Variants in PKIB observed in about 807,000 individuals in gnomAD.
The protein encoded by PKIB is PKI-beta.
A neutral mutation model predicts 4.5 loss-of-function variants in PKIB; 2 were observed. The ratio of observed to expected loss-of-function variants is 0.44; its 90% CI spans 0.18 to 1.39. PKIB has a LOEUF of 1.39. PKIB is among the 40% of genes most tolerant of loss of function. The probability of loss-of-function intolerance (pLI) is 0.27; values close to 1 mark genes in which losing one functional copy is unlikely to be tolerated. For synonymous variants in PKIB, 38 were observed against 36.0 expected (o/e 1.06, Z -0.20); for missense variants, 94 against 92.6 (o/e 1.02, Z -0.06).
At chr6:122,615,962 A>G (rs1438783901) in intron 1 of PKIB, among the ~76,000 whole-genome samples, 1 of 152,178 alleles carries the variant, frequency 6.6e-6, no homozygotes, top group Non-Finnish European at 1.5e-5. Flanking sequence ...AGTTTGTGGT[A>G]ATTTGTTACA....
At chr6:122,715,406 G>A (rs1434412057) in intron 3 of PKIB, among the ~76,000 whole-genome samples, 1 of 151,974 alleles carries the variant, frequency 6.6e-6, no homozygotes, top group Admixed American at 6.6e-5. Context: ...CTGATGTGAA[G>A]TGAATTGGTG....
intron 1 of PKIB, among the ~76,000 whole-genome samples, chr6:122,473,460 C>A (rs952261178): frequency 2.0e-5 from 3 of 152,092 alleles, no homozygotes; most frequent in Non-Finnish European, 4.4e-5. Context: ...TCATATTAAT[C>A]TTTCTGGAAT....
At chr6:122,481,868 A>G (rs571641441) in intron 2 of PKIB, 16 of 152,338 alleles carry the variant, frequency 1.1e-4, no homozygotes, top group Non-Finnish European at 1.6e-4. Context: ...AACTGTGTCA[A>G]AAATATGCTA....
chr6:122,539,724 T>G (rs531617732), intron 2 of PKIB, among the ~76,000 whole-genome samples: 1 of 151,702 alleles, frequency 6.6e-6, no homozygotes, highest in Non-Finnish European at 1.5e-5. Flanking sequence ...TTCCCTCTTT[T>G]TCTATTGATT....
intron 2 of PKIB, among the ~76,000 whole-genome samples, chr6:122,495,000 T>C (rs1776037749): frequency 6.6e-6 from 1 of 152,146 alleles, no homozygotes; most frequent in South Asian, 2.1e-4. Context: ...GGACCCTTGG[T>C]GTCAACAGTT....
intron 2 of PKIB, among the ~76,000 whole-genome samples, chr6:122,653,534 A>G (rs889024805): frequency 5.5e-5 from 1 of 18,232 alleles, no homozygotes; most frequent in Non-Finnish European, 1.3e-4. Flanking sequence ...TTATCATTCA[A>G]ACCTGGTGGG....
intron 1 of PKIB, chr6:122,472,061 TTACC>T: frequency 2.4e-6 from 1 of 419,850 alleles, no homozygotes; most frequent in Non-Finnish European, 4.3e-6. Flanking sequence ...AAACCCACCT[TTACC>T]TACCATGCAC....
chr6:122,677,754 C>G (rs1777733557), intron 3 of PKIB, among the ~76,000 whole-genome samples: 1 of 152,122 alleles, frequency 6.6e-6, no homozygotes, highest in Non-Finnish European at 1.5e-5. Context: ...GATTCTTGCC[C>G]CAAGCTTAGT....
intron 1 of PKIB, among the ~76,000 whole-genome samples, chr6:122,624,223 ATAATGG>A (rs1182529213): frequency 1.3e-5 from 2 of 152,222 alleles, no homozygotes; most frequent in African/African-American, 4.8e-5. Flanking sequence ...TTTGTAAGTT[ATAATGG>A]TATGATGAAA....
intron 1 of PKIB, among the ~76,000 whole-genome samples, chr6:122,624,399 A>C (rs1775352818): frequency 6.6e-6 from 1 of 152,022 alleles, no homozygotes. Context: ...GCATATTAGC[A>C]CTCTTGTTTC....
At chr6:122,558,299 A>G (rs879519925) in intron 2 of PKIB, among the ~76,000 whole-genome samples, 2 of 152,342 alleles carry the variant, frequency 1.3e-5, no homozygotes, top group Non-Finnish European at 1.5e-5. Flanking sequence ...CCAGGCTTAT[A>G]TTCTACCAGC....
chr6:122,547,534 C>T (rs1463616245), intron 2 of PKIB, among the ~76,000 whole-genome samples: 1 of 151,460 alleles, frequency 6.6e-6, no homozygotes, highest in East Asian at 1.9e-4. Context: ...GACGGGATTT[C>T]ACCGTGTTGG....
At chr6:122,636,570 T>A (rs932342237) in intron 2 of PKIB, among the ~76,000 whole-genome samples, 2 of 151,866 alleles carry the variant, frequency 1.3e-5, no homozygotes, top group Non-Finnish European at 2.9e-5. Context: ...AAAGAAAAAA[T>A]AGCAGTAATG....
intron 2 of PKIB, among the ~76,000 whole-genome samples, chr6:122,642,809 C>T (rs1406629900): frequency 6.6e-6 from 1 of 152,178 alleles, no homozygotes; most frequent in Non-Finnish European, 1.5e-5. Context: ...ATGTTCAATA[C>T]AGGCCTGCAA....
intron 2 of PKIB, among the ~76,000 whole-genome samples, chr6:122,642,293 G>A (rs560089072): frequency 2.5e-4 from 38 of 152,290 alleles, no homozygotes; most frequent in African/African-American, 9.1e-4. Flanking sequence ...GTTAATGACA[G>A]TGCTTGAAAT....
At chr6:122,677,455 G>A (rs1259400615) in intron 3 of PKIB, among the ~76,000 whole-genome samples, 1 of 152,186 alleles carries the variant, frequency 6.6e-6, no homozygotes, top group African/African-American at 2.4e-5. Flanking sequence ...ATATATGGAT[G>A]AGGGGTTGTA....
At chr6:122,564,198 A>G (rs994587956) in intron 2 of PKIB, among the ~76,000 whole-genome samples, 2 of 152,132 alleles carry the variant, frequency 1.3e-5, no homozygotes, top group Non-Finnish European at 2.9e-5. Flanking sequence ...GGGTATCTCC[A>G]GGGTCCTGCA....
intron 3 of PKIB, among the ~76,000 whole-genome samples, chr6:122,680,003 T>C (rs1055377821): frequency 7.9e-5 from 12 of 152,212 alleles, no homozygotes; most frequent in Non-Finnish European, 1.8e-4. Flanking sequence ...CTTTCTTTTT[T>C]CCTTTGACAC....
intron 2 of PKIB, among the ~76,000 whole-genome samples, chr6:122,551,907 A>C (rs1021544554): frequency 5.7e-5 from 7 of 121,754 alleles, no homozygotes; most frequent in African/African-American, 1.9e-4. Flanking sequence ...TTTACAACAA[A>C]TTATCAGTAT....
Sources: gnomAD v4.1 joint callset for allele counts (sites outside exome capture counted in the v4.1 genomes callset) on GRCh38, gnomAD v4.1.1 for gene constraint, MANE v1.5 for transcripts, NCBI Gene and HGNC (gene_info 2026-07-23, HGNC 2026-07-21) for gene names.